The following CACNA1D variants were observed in gnomAD, a reference collection of about 807,000 sequenced individuals.
CACNA1D encodes voltage-dependent L-type calcium channel subunit alpha-1D.
CACNA1D carries 55 observed loss-of-function variants against 257.1 expected under a neutral mutation model. The ratio of observed to expected loss-of-function variants is 0.21; its 90% CI spans 0.17 to 0.27. CACNA1D has a LOEUF of 0.27. Among genes scored for constraint, CACNA1D ranks in the 10% least tolerant of loss-of-function variants. The pLI, the probability that CACNA1D is intolerant of heterozygous loss-of-function variation, is 1.00. For synonymous variants in CACNA1D, 980 were observed against 1,014.9 expected (o/e 0.97, Z 0.65); for missense variants, 1,876 against 2,784.0 (o/e 0.67, Z 7.34).
chr3:53,640,852 G>A (rs970478075), intron 3 of CACNA1D, among the ~76,000 whole-genome samples: 1 of 152,110 alleles, frequency 6.6e-6, no homozygotes, highest in Non-Finnish European at 1.5e-5. Flanking sequence ...ATGACCAGTG[G>A]GAATGTCTGT....
intron 30 of CACNA1D, among the ~76,000 whole-genome samples, chr3:53,767,845 G>A (rs1030995162): frequency 6.6e-6 from 1 of 152,170 alleles, no homozygotes; most frequent in South Asian, 2.1e-4. Context: ...CTCCCCTGAA[G>A]CAGCCCCCCA....
At chr3:53,635,596 C>G (rs2093873686) in intron 3 of CACNA1D, among the ~76,000 whole-genome samples, 3 of 152,100 alleles carry the variant, frequency 2.0e-5, no homozygotes, top group Admixed American at 1.3e-4. Flanking sequence ...TGCCCTTTCT[C>G]TATCTGGGTT....
At chr3:53,539,046 C>T (rs914972745) in intron 3 of CACNA1D, among the ~76,000 whole-genome samples, 1 of 152,074 alleles carries the variant, frequency 6.6e-6, no homozygotes, top group Non-Finnish European at 1.5e-5. Flanking sequence ...CGTCCCTAAG[C>T]AGTATCACTT....
At chr3:53,682,506 A>G (rs1427292742) in intron 8 of CACNA1D, among the ~76,000 whole-genome samples, 1 of 150,490 alleles carries the variant, frequency 6.6e-6, no homozygotes, top group East Asian at 2.0e-4. Context: ...GCAGTGAGCT[A>G]TGATCATGCT....
intron 3 of CACNA1D, among the ~76,000 whole-genome samples, chr3:53,517,546 G>A (rs1211469793): frequency 3.3e-5 from 5 of 150,766 alleles, no homozygotes; most frequent in Admixed American, 3.3e-4. Flanking sequence ...TGCAGTGGCA[G>A]TATCTTGGCT....
intron 3 of CACNA1D, among the ~76,000 whole-genome samples, chr3:53,627,482 AT>A (rs879742806): frequency 1.3e-5 from 2 of 151,924 alleles, no homozygotes; most frequent in Admixed American, 1.3e-4. Flanking sequence ...TGTCTTGATG[AT>A]TCTCTTAAGT....
At chr3:53,775,826 T>G in intron 34 of CACNA1D, 60 bp from the exon 35 acceptor site, 1 of 1,536,018 alleles carries the variant, frequency 6.5e-7, no homozygotes, top group Non-Finnish European at 9.0e-7. Flanking sequence ...TCCCCTAAGA[T>G]CTAAGCTTCA....
chr3:53,722,212 C>A, intron 11 of CACNA1D, 102 bp from the exon 12 acceptor site: 1 of 1,239,162 alleles, frequency 8.1e-7, no homozygotes, highest in Non-Finnish European at 1.2e-6. Flanking sequence ...CCACCCCAAT[C>A]TAGACCTCCA....
intron 3 of CACNA1D, among the ~76,000 whole-genome samples, chr3:53,508,718 A>G (rs1236995211): frequency 2.0e-5 from 3 of 152,138 alleles, no homozygotes; most frequent in Non-Finnish European, 4.4e-5. Flanking sequence ...TGTCTGACAA[A>G]TGTGAAAAGT....
At chr3:53,779,959 A>T in intron 37 of CACNA1D, 67 bp from the exon 38 acceptor site, 1 of 1,097,714 alleles carries the variant, frequency 9.1e-7, no homozygotes, top group East Asian at 2.4e-5. Context: ...GAAAATAAAC[A>T]TCCAAAAGGA....
In CACNA1D at chr3:53,666,402, C is replaced by T. The variant is rs748005960; in HGVS notation, c.983C>T (p.Ala328Val). The T allele has an allele frequency of 1.9e-6, 3 of 1,614,126 alleles. No homozygotes were observed. In the South Asian group the frequency reaches 3.3e-5, roughly 18 times the overall value. The change falls in exon 7 of 48, where the codon GCC becomes GTC. Residue 328 changes from alanine to valine, a missense_variant. By Grantham distance (64) the Ala-to-Val change is moderately conservative. This residue lies in a region of CACNA1D where 188 missense variants were observed against 390.4 expected (regional missense o/e 0.48). Transcript: ENST00000350061. ...AFSGNGRQCT[A>V]NGTECRSGWV... ...TCAGGGAATGGACGCCAGTGTACTG[C>T]CAATGGCACGGAATGTAGGAGTGGC...
chr3:53,672,333 G>A (rs998766799), intron 7 of CACNA1D, among the ~76,000 whole-genome samples: 1 of 152,180 alleles, frequency 6.6e-6, no homozygotes, highest in Non-Finnish European at 1.5e-5. Context: ...AAGAGCCCGT[G>A]GCTTGTGTCA....
intron 8 of CACNA1D, among the ~76,000 whole-genome samples, chr3:53,691,042 T>C (rs2094514338): frequency 6.6e-6 from 1 of 152,200 alleles, no homozygotes; most frequent in Non-Finnish European, 1.5e-5. Context: ...TTGAAACCTG[T>C]CATGAAGATA....
At chr3:53,697,189 G>A (rs538664221) in intron 8 of CACNA1D, among the ~76,000 whole-genome samples, 58 of 152,320 alleles carry the variant, frequency 3.8e-4, no homozygotes, top group African/African-American at 1.2e-3. Context: ...GGAAAATGGC[G>A]AGCTGGCCGT....
At chr3:53,579,131 G>A (rs2093088513) in intron 3 of CACNA1D, among the ~76,000 whole-genome samples, 1 of 152,192 alleles carries the variant, frequency 6.6e-6, no homozygotes, top group Non-Finnish European at 1.5e-5. Flanking sequence ...TCCAGGGATA[G>A]CGTTGGTGTT....
intron 3 of CACNA1D, among the ~76,000 whole-genome samples, chr3:53,554,195 C>CA (rs536981451): frequency 0.014 from 1,622 of 113,890 alleles, 30 homozygotes; most frequent in African/African-American, 0.043. Context: ...GACTCTGTCT[C>CA]AAAAAAAAAA....
At chr3:53,511,486 A>G (rs2091108637) in intron 3 of CACNA1D, among the ~76,000 whole-genome samples, 3 of 152,194 alleles carry the variant, frequency 2.0e-5, no homozygotes, top group Non-Finnish European at 2.9e-5. Context: ...TCCTTGTGTA[A>G]GGTACATTGT....
intron 9 of CACNA1D, chr3:53,710,405 G>A (rs957129488): frequency 1.3e-5 from 6 of 456,576 alleles, no homozygotes; most frequent in African/African-American, 1.2e-4. Flanking sequence ...GGGTCACAGT[G>A]GCCGACTTGC....
chr3:53,809,781 A>G, intron 46 of CACNA1D, 197 bp from the exon 47 acceptor site: 1 of 618,144 alleles, frequency 1.6e-6, no homozygotes, highest in East Asian at 2.8e-5. Context: ...TCGGGGTAAA[A>G]GAAAGCACAG....
Sources: allele counts gnomAD v4.1 joint callset (sites outside exome capture counted in the v4.1 genomes callset), GRCh38; gene constraint gnomAD v4.1.1; regional missense constraint gnomAD v4.1.1; transcripts MANE v1.5; gene names NCBI Gene and HGNC (gene_info 2026-07-23, HGNC 2026-07-21).